CDADC1: variants seen among roughly 807,000 people sequenced by gnomAD.
CDADC1 encodes dCTP deaminase.
CDADC1 carries 39 observed loss-of-function variants against 54.9 expected under a neutral mutation model. The observed-to-expected ratio is 0.71, with a 90% CI of 0.55 to 0.93. The LOEUF (loss-of-function observed/expected upper bound fraction) is 0.93, where lower values mean the gene tolerates loss of function less well. Ranked by LOEUF, CDADC1 falls within the 40% of genes least tolerant of loss-of-function variation. The probability of loss-of-function intolerance (pLI) is 0.00; values close to 1 mark genes in which losing one functional copy is unlikely to be tolerated. For synonymous variants in CDADC1, 186 were observed against 204.0 expected, an observed-to-expected ratio of 0.91 and a Z score of 0.75; for missense variants, 518 against 618.8, an observed-to-expected ratio of 0.84 and a Z score of 1.73.
chr13:49,263,665 C>T (rs140814307), intron 4 of CDADC1, among the ~76,000 whole-genome samples: 4 of 152,242 alleles, frequency 2.6e-5, no homozygotes, highest in South Asian at 2.1e-4. Flanking sequence ...AGATAATTTT[C>T]GTATACTTCA....
intron 5 of CDADC1, among the ~76,000 whole-genome samples, chr13:49,272,174 G>A (rs1405750444): frequency 6.6e-6 from 1 of 152,068 alleles, no homozygotes; most frequent in Non-Finnish European, 1.5e-5. Context: ...GGTAGAAAAG[G>A]GGGCTTTTAA....
At chr13:49,282,236 GTTT>G (rs759792512) in intron 8 of CDADC1, among the ~76,000 whole-genome samples, 4 of 94,140 alleles carry the variant, frequency 4.2e-5, no homozygotes, top group Non-Finnish European at 6.2e-5. Context: ...GTTTTTGTGG[GTTT>G]TTTTTTTTTT....
Position 49,267,781 on chromosome 13 carries a change from T to G in CDADC1, c.722T>G (p.Met241Arg). 1 of 1,612,318 alleles carries G rather than the reference T, an allele frequency of 6.2e-7. No individual in the cohort carries two copies. The highest frequency in any genetic ancestry group is 8.5e-7 in the Non-Finnish European group (1 of 1,178,752). ...CAAGAAAGAATAAAAGAATATGAAA[T>G]GTTATTTTTGGTTTCAAATGAAGAA... ...CKQERIKEYEMLFLVSNEEMH... is the reference protein window; with the variant it reads ...CKQERIKEYERLFLVSNEEMH... Residue 241 changes from methionine (M) to arginine (R), a missense_variant, in exon 5 of 10, where the codon ATG becomes AGG. Met to Arg is a moderately conservative substitution (Grantham distance 91). Transcript: ENST00000251108.
intron 9 of CDADC1, among the ~76,000 whole-genome samples, chr13:49,287,249 G>T (rs991024857): frequency 2.6e-5 from 4 of 152,124 alleles, no homozygotes; most frequent in Non-Finnish European, 5.9e-5. Context: ...GAAGTAAATG[G>T]AAGTTTTCTG....
intron 4 of CDADC1, among the ~76,000 whole-genome samples, chr13:49,265,540 T>C (rs946220815): frequency 6.6e-6 from 1 of 152,214 alleles, no homozygotes; most frequent in Non-Finnish European, 1.5e-5. Flanking sequence ...TTAATCCAAA[T>C]ATTAAAGATA....
intron 9 of CDADC1, among the ~76,000 whole-genome samples, chr13:49,286,526 A>C (rs1478945817): frequency 1.3e-5 from 2 of 152,252 alleles, no homozygotes; most frequent in Non-Finnish European, 1.5e-5. Context: ...TTATGCACAA[A>C]TTGACTTTAT....
intron 9 of CDADC1, among the ~76,000 whole-genome samples, chr13:49,291,386 G>T (rs1345707819): frequency 6.6e-6 from 1 of 151,690 alleles, no homozygotes; most frequent in Non-Finnish European, 1.5e-5. Context: ...TGCCCAAGCT[G>T]GTCTTGAACT....
At position 49,292,855 on chromosome 13, in the gene CDADC1, T is replaced by C. The variant is rs1566385786; in HGVS notation, c.*1098T>C. The C allele has an allele frequency of 8.6e-7, 1 of 1,156,596 alleles. No individual in the cohort carries two copies. 71.6% of individuals were successfully genotyped at this position (1,156,596 alleles called of 1,614,324 possible). A position where few individuals can be genotyped will look rare whatever the true frequency, so the allele number is the denominator to read the frequency against. On this transcript the variant is annotated 3_prime_UTR_variant, in exon 10 of 10. Coordinates refer to ENST00000251108, the MANE Select transcript of CDADC1 (RefSeq NM_030911.4). The stretch of plus-strand genomic sequence containing the variant: ...CGGTGGTCAGGTTTGCCTCTGCTTT[T>C]GTTCCCTGCCTTTCCGCCACATCAC...
chr13:49,266,131 C>A, intron 4 of CDADC1: 1 of 224,324 alleles, frequency 4.5e-6, no homozygotes, highest in Non-Finnish European at 8.9e-6. Flanking sequence ...GGGTAGAACA[C>A]TCTGTGGGCT....
At chr13:49,286,058 C>T (rs3764130) in intron 8 of CDADC1, among the ~76,000 whole-genome samples, 164 bp from the exon 9 acceptor site, 36,198 of 152,156 alleles carry the variant, frequency 0.24, 5,268 homozygotes, top group East Asian at 0.35. Context: ...AGGTAATCCA[C>T]CTACCTTGGC....
chr13:49,272,573 T>C (rs1952996670), intron 5 of CDADC1, among the ~76,000 whole-genome samples: 2 of 152,008 alleles, frequency 1.3e-5, no homozygotes, highest in Admixed American at 1.3e-4. Context: ...ACAGTTTCCC[T>C]CACCACTGCA....
intron 4 of CDADC1, among the ~76,000 whole-genome samples, chr13:49,263,959 G>A (rs1270604674): frequency 1.3e-5 from 2 of 152,162 alleles, no homozygotes; most frequent in African/African-American, 4.8e-5. Context: ...CTGAGCCATA[G>A]GCCTTCATTC....
intron 8 of CDADC1, among the ~76,000 whole-genome samples, chr13:49,283,656 G>A (rs1194725434): frequency 6.6e-6 from 1 of 152,130 alleles, no homozygotes; most frequent in African/African-American, 2.4e-5. Context: ...TTAAGAAAGG[G>A]CAAGAGAAGC....
At chr13:49,250,576 T>G (rs973175746) in intron 2 of CDADC1, among the ~76,000 whole-genome samples, 1 of 152,076 alleles carries the variant, frequency 6.6e-6, no homozygotes, top group Non-Finnish European at 1.5e-5. Flanking sequence ...ATGAGAGAAT[T>G]TGTGGTCCTC....
At chr13:49,264,518 G>T (rs559608417) in intron 4 of CDADC1, among the ~76,000 whole-genome samples, 2 of 133,626 alleles carry the variant, frequency 1.5e-5, no homozygotes, top group African/African-American at 2.9e-5. Flanking sequence ...AGGAGCCCAA[G>T]ACCAGCCTGG....
At chr13:49,265,788 T>G in intron 4 of CDADC1, 12 of 1,162,396 alleles carry the variant, frequency 1.0e-5, no homozygotes, top group South Asian at 1.5e-5. Flanking sequence ...TAAGGAATCC[T>G]GAGATCAAAA....
chr13:49,282,236 G>GTTTTTTTTTTTTTTTTTTTTTT (rs759792512), intron 8 of CDADC1, among the ~76,000 whole-genome samples: 57 of 94,138 alleles, frequency 6.1e-4, no homozygotes, highest in East Asian at 3.9e-3. Context: ...GTTTTTGTGG[G>GTTTTTTTTTTTTTTTTTTTTTT]TTTTTTTTTT....
intron 4 of CDADC1, among the ~76,000 whole-genome samples, chr13:49,259,823 G>A (rs1952631687): frequency 6.6e-6 from 1 of 151,914 alleles, no homozygotes; most frequent in Non-Finnish European, 1.5e-5. Context: ...CTCTAAGCTG[G>A]GTGACAGAAC....
At chr13:49,282,552 C>G (rs1355521362) in intron 8 of CDADC1, among the ~76,000 whole-genome samples, 1 of 152,096 alleles carries the variant, frequency 6.6e-6, no homozygotes, top group African/African-American at 2.4e-5. Context: ...GAGAAATAAC[C>G]ACATAATTAC....
Sources: gnomAD v4.1 joint callset for allele counts (sites outside exome capture counted in the v4.1 genomes callset) on GRCh38, gnomAD v4.1.1 for gene constraint, MANE v1.5 for transcripts, NCBI Gene and HGNC (gene_info 2026-07-23, HGNC 2026-07-21) for gene names.